The following PROM1 variants were observed in gnomAD, a reference collection of about 807,000 sequenced individuals.
The protein encoded by PROM1 is prominin 1, also known as prominin-1.
A neutral mutation model predicts 116.9 loss-of-function variants in PROM1; 105 were observed. The observed-to-expected ratio is 0.90, with a 90% CI of 0.77 to 1.06. The LOEUF is 1.06. Among genes scored for constraint, PROM1 ranks in the 50% least tolerant of loss-of-function variants. The probability of loss-of-function intolerance (pLI) is 0.00; values close to 1 mark genes in which losing one functional copy is unlikely to be tolerated. For synonymous variants in PROM1, 393 were observed against 387.0 expected (o/e 1.02, Z -0.18); for missense variants, 1,122 against 1,045.2 (o/e 1.07, Z -1.01).
rs886509533 is a variant in PROM1 at position 16,006,788 on chromosome 4, G to A, written c.1302-98C>T. 14 of 1,263,902 alleles carry A rather than the reference G, an allele frequency of 1.1e-5. No individual in the cohort carries two copies. In the African/African-American group the frequency reaches 2.1e-4, roughly 19 times the overall value. The allele number at this position is 1,263,902 out of a possible 1,614,324, so 78.3% of individuals were successfully genotyped here. A position where few individuals can be genotyped will look rare whatever the true frequency, so the allele number is the denominator to read the frequency against. ...AGGCTGGAGCCGATGAGTTATTCTT[G>A]GCTTCTAAAATCAGAGTCTTCTATC... On this transcript the variant is annotated intron_variant, in intron 12 of 27. Transcript: ENST00000447510.
At chr4:16,035,830 G>A in intron 3 of PROM1, 69 bp from the exon 4 acceptor site, 4 of 1,420,090 alleles carry the variant, frequency 2.8e-6, no homozygotes, top group Non-Finnish European at 4.0e-6. Flanking sequence ...GACAGAAAAA[G>A]TTATGAGTGA....
intron 26 of PROM1, 139 bp downstream of exon 26, chr4:15,979,256 T>C: frequency 7.4e-7 from 1 of 1,353,746 alleles, no homozygotes; most frequent in African/African-American, 1.4e-5. Flanking sequence ...ATGTAGAGCA[T>C]GATTGGAGAC....
At chr4:16,050,016 A>G (rs1038540166) in intron 2 of PROM1, among the ~76,000 whole-genome samples, 2 of 151,906 alleles carry the variant, frequency 1.3e-5, no homozygotes, top group Admixed American at 1.3e-4. Flanking sequence ...TAATCCCAGC[A>G]CTTTGAGAGG....
At chr4:16,011,430 G>A (rs924220844) in intron 11 of PROM1, among the ~76,000 whole-genome samples, 1 of 152,226 alleles carries the variant, frequency 6.6e-6, no homozygotes, top group Non-Finnish European at 1.5e-5. Context: ...AAACACGAGA[G>A]CAAAGGACAT....
intron 2 of PROM1, among the ~76,000 whole-genome samples, chr4:16,058,599 A>T (rs1424159731): frequency 2.6e-5 from 4 of 151,588 alleles, no homozygotes; most frequent in Admixed American, 2.6e-4. Flanking sequence ...GCGAGCCAAG[A>T]TCACGCCACT....
intron 18 of PROM1, among the ~76,000 whole-genome samples, chr4:15,990,921 T>C (rs765246529): frequency 6.6e-6 from 1 of 152,244 alleles, no homozygotes; most frequent in Non-Finnish European, 1.5e-5. Flanking sequence ...ACACTGCCTA[T>C]GGGGTAGCCC....
chr4:15,970,737 A>G (rs1714317838), intron 27 of PROM1, among the ~76,000 whole-genome samples: 2 of 152,086 alleles, frequency 1.3e-5, no homozygotes, highest in African/African-American at 4.8e-5. Context: ...CAAAATACCT[A>G]ATACAATGTA....
chr4:15,969,679 C>T (rs573405548), intron 27 of PROM1, among the ~76,000 whole-genome samples: 2 of 152,062 alleles, frequency 1.3e-5, no homozygotes, highest in Non-Finnish European at 1.5e-5. Context: ...CTCCGTCTCC[C>T]GGGTTTAAGC....
chr4:16,068,755 C>T (rs372761989), intron 2 of PROM1, among the ~76,000 whole-genome samples: 2 of 152,106 alleles, frequency 1.3e-5, no homozygotes, highest in South Asian at 4.2e-4. Flanking sequence ...ATGGAGGGAG[C>T]TCTTATACTC....
At chr4:16,023,464 C>A in intron 7 of PROM1, 49 bp from the exon 8 acceptor site, 1 of 1,383,444 alleles carries the variant, frequency 7.2e-7, no homozygotes. Context: ...CTGCTCATCT[C>A]TCCACCCCTC....
chr4:16,012,604 C>G (rs1008342891), intron 11 of PROM1, among the ~76,000 whole-genome samples: 48 of 152,094 alleles, frequency 3.2e-4, no homozygotes, highest in Non-Finnish European at 5.9e-5. Context: ...GGCACGGTGG[C>G]TCACGCCTAT....
chr4:16,059,014 G>C (rs1388026229), intron 2 of PROM1, among the ~76,000 whole-genome samples: 1 of 152,118 alleles, frequency 6.6e-6, no homozygotes, highest in Non-Finnish European at 1.5e-5. Flanking sequence ...GTAATACCTG[G>C]ACAGAACCTT....
intron 2 of PROM1, among the ~76,000 whole-genome samples, chr4:16,041,797 T>A (rs997112335): frequency 2.1e-5 from 3 of 145,132 alleles, no homozygotes; most frequent in African/African-American, 7.8e-5. Context: ...TATATATATA[T>A]ATATATATAT....
intron 2 of PROM1, among the ~76,000 whole-genome samples, chr4:16,042,412 G>A (rs781482360): frequency 1.3e-4 from 20 of 152,126 alleles, no homozygotes; most frequent in Non-Finnish European, 2.5e-4. Context: ...AAGCCTGCGT[G>A]GAAAAAGATC....
At chr4:15,972,628 T>A (rs1200423660) in intron 26 of PROM1, among the ~76,000 whole-genome samples, 1 of 152,164 alleles carries the variant, frequency 6.6e-6, no homozygotes, top group Non-Finnish European at 1.5e-5. Context: ...CTAAAACTAA[T>A]CCTGGAAGCT....
intron 2 of PROM1, among the ~76,000 whole-genome samples, chr4:16,056,109 G>A (rs1738944803): frequency 6.6e-6 from 1 of 152,268 alleles, no homozygotes; most frequent in East Asian, 1.9e-4. Flanking sequence ...ACAGGTCAGA[G>A]CTGTCAGGAG....
rs3822252 is a variant in PROM1, at chr4:16,010,934, T to C, written c.1142-1826A>G. ...AGGACTGTTACTCCTTGGGGGCTCA[T>C]TGCCTTCTCCAAATGGCTCGTGTGT... On this transcript the variant is annotated intron_variant, in intron 11 of 27. Transcript: ENST00000447510. 4.9e-3 allele frequency among the ~76,000 whole-genome samples: 744 copies of C among 152,308 alleles called. 29 individuals are homozygous for C. In the East Asian group the frequency reaches 0.11, roughly 22 times the overall value.
intron 2 of PROM1, among the ~76,000 whole-genome samples, chr4:16,056,368 C>G (rs562437121): frequency 1.3e-5 from 2 of 152,044 alleles, no homozygotes; most frequent in African/African-American, 4.8e-5. Flanking sequence ...TGAGAGGGTA[C>G]ACAAGAGTGT....
In PROM1 at chr4:16,022,195, G is replaced by A. The variant is rs566349680; in HGVS notation, c.784+1131C>T. Among the ~76,000 whole-genome samples, 106 of 152,108 alleles carry A rather than the reference G, an allele frequency of 7.0e-4. 1 individual carries two copies. The highest frequency in any genetic ancestry group is 2.5e-3 in the African/African-American group (102 of 41,482). ...AAGAAAGAAGGAATGGAGAAGCCAC[G>A]TGGAAAAAGCCAGGACAGGAAGGCA... On this transcript the variant is annotated intron_variant, in intron 8 of 27. Transcript: ENST00000447510.
Sources: gnomAD v4.1 joint callset for allele counts (sites outside exome capture counted in the v4.1 genomes callset) on GRCh38, gnomAD v4.1.1 for gene constraint, MANE v1.5 for transcripts, NCBI Gene and HGNC (gene_info 2026-07-23, HGNC 2026-07-21) for gene names.